PLBD2: variants seen among roughly 807,000 people sequenced by gnomAD.
PLBD2 encodes the protein putative aminopeptidase PLBD2.
PLBD2 carries 51 observed loss-of-function variants against 68.3 expected under a neutral mutation model. That is an observed-to-expected ratio of 0.75 (90% CI 0.60 to 0.94). PLBD2 has a LOEUF of 0.94. Ranked by LOEUF, PLBD2 falls within the 40% of genes least tolerant of loss-of-function variation. The pLI, the probability that PLBD2 is intolerant of heterozygous loss-of-function variation, is 0.00. For synonymous variants in PLBD2, 314 were observed against 339.3 expected, an observed-to-expected ratio of 0.93 and a Z score of 0.82; for missense variants, 729 against 792.2, an observed-to-expected ratio of 0.92 and a Z score of 0.96.
At position 113,358,787 on chromosome 12, in the gene PLBD2, TC is replaced by T; in HGVS notation, c.188del (p.Ser63TrpfsTer73). 1 of 1,460,568 alleles carries T rather than the reference TC, an allele frequency of 6.8e-7. No homozygotes were observed. Among genetic ancestry groups the T allele is most frequent in the South Asian group, 1.4e-5 (1 of 72,792 alleles). 90.5% of individuals were successfully genotyped at this position (1,460,568 alleles called of 1,614,324 possible). A position where few individuals can be genotyped will look rare whatever the true frequency, so the allele number is the denominator to read the frequency against. On this transcript the variant is annotated frameshift_variant, in exon 1 of 12. Coordinates refer to ENST00000280800, the MANE Select transcript of PLBD2 (RefSeq NM_173542.4). LOFTEE classifies it high-confidence loss of function. ...GGTCCCTCCAGCCTCCCGCAGCCGC[TC>T]GGTGCTCCTGGACGTCTCGGCGGGC... ...GQVPPASRSR[S>X]VLLDVSAGQL...
In PLBD2 at chr12:113,389,620, T is replaced by A. The variant is rs191763480; in HGVS notation, c.*994T>A. 2 of 151,864 alleles carry A rather than the reference T, an allele frequency of 1.3e-5. No individual in the cohort carries two copies. The highest frequency in any genetic ancestry group is 4.8e-5 in the African/African-American group (2 of 41,404). 9.4% of individuals were successfully genotyped at this position (151,864 alleles called of 1,614,324 possible). A position where few individuals can be genotyped will look rare whatever the true frequency, so the allele number is the denominator to read the frequency against. ...ATCCATCCATCCATCTACCTATCCATTTATCATCCATCCACTCACCCATCC... is the reference window on the plus strand; with the variant it reads ...ATCCATCCATCCATCTACCTATCCAATTATCATCCATCCACTCACCCATCC... On this transcript the variant is annotated 3_prime_UTR_variant, in exon 12 of 12. Transcript: ENST00000280800.
At position 113,384,089 on chromosome 12, in the gene PLBD2, C is replaced by G; in HGVS notation, c.958-16C>G. ...CATGCCTAGGCTGTGCAGCAGCCCC[C>G]TTGACCTTCCCACAGGTGACACTGG... On this transcript the variant is annotated splice_polypyrimidine_tract_variant and intron_variant, in intron 6 of 11. Transcript: ENST00000280800. This position sits in a 1 kb window ranked among gnomAD's most constrained non-coding sequence, Gnocchi z 4.2. The G allele has an allele frequency of 6.3e-7, 1 of 1,593,044 alleles. No individual in the cohort carries two copies.
At chr12:113,387,263 G>A (rs1343510101) in intron 10 of PLBD2, among the ~76,000 whole-genome samples, 174 bp downstream of exon 10, 1 of 151,802 alleles carries the variant, frequency 6.6e-6, no homozygotes, top group Non-Finnish European at 1.5e-5. Flanking sequence ...CTCCACTTGG[G>A]CCCTGTCACT....
chr12:113,373,542 C>T (rs1480189585), intron 3 of PLBD2, among the ~76,000 whole-genome samples: 2 of 152,096 alleles, frequency 1.3e-5, no homozygotes, highest in African/African-American at 4.8e-5. Flanking sequence ...CTGTCCATTC[C>T]ACACATCCAC....
intron 3 of PLBD2, among the ~76,000 whole-genome samples, chr12:113,373,357 T>C (rs1957406504): frequency 6.6e-6 from 1 of 152,244 alleles, no homozygotes; most frequent in African/African-American, 2.4e-5. Context: ...ATGTCAGGTG[T>C]TTGCTGTGAG....
At chr12:113,366,773 C>G (rs1957345728) in intron 1 of PLBD2, among the ~76,000 whole-genome samples, 1 of 151,516 alleles carries the variant, frequency 6.6e-6, no homozygotes, top group African/African-American at 2.4e-5. Context: ...GGCCTCTCCC[C>G]ACTCCCCTCC....
rs1346602290 is a variant in PLBD2 at position 113,374,518 on chromosome 12, C to T, written c.588C>T (p.Tyr196=). ...AGCTGAAAGGCCTGGAGGACAGCTA[C>T]GAAGGCCGTGTGAGCTTCCCAGCTG... ...LLQLKGLEDS[Y]EGRVSFPAGK... is the part of the protein sequence containing the mutation. Residue 196 remains tyrosine (Y), a synonymous_variant, in exon 4 of 12, where the codon TAC becomes TAT. Transcript: ENST00000280800. The T allele has an allele frequency of 3.1e-6, 5 of 1,607,088 alleles. No homozygotes were observed. In the Admixed American group the frequency reaches 5.1e-5, roughly 16 times the overall value.
At chr12:113,373,551 A>G (rs1241855253) in intron 3 of PLBD2, among the ~76,000 whole-genome samples, 1 of 151,700 alleles carries the variant, frequency 6.6e-6, no homozygotes, top group Non-Finnish European at 1.5e-5. Context: ...CCACACATCC[A>G]CCACCCATCC....
intron 1 of PLBD2, among the ~76,000 whole-genome samples, chr12:113,362,595 GAA>G (rs548450929): frequency 3.7e-5 from 5 of 135,900 alleles, no homozygotes; most frequent in Non-Finnish European, 3.2e-5. Context: ...GATTTTCCAG[GAA>G]AAAAAAAAAA....
Position 113,390,870 on chromosome 12 carries a change from C to T in PLBD2, c.*2244C>T, listed in dbSNP as rs1957604923. 6.6e-6 allele frequency: 1 copy of T among 151,994 alleles called. No homozygotes were observed. The highest frequency in any genetic ancestry group is 2.4e-5 in the African/African-American group (1 of 41,344). 9.4% of individuals were successfully genotyped at this position (151,994 alleles called of 1,614,324 possible). ...CCATCTACCCATCCATCCACCCACT[C>T]ATCCATCCATTCATCCATCCACCCA... On this transcript the variant is annotated 3_prime_UTR_variant, in exon 12 of 12. Coordinates refer to ENST00000280800, the MANE Select transcript of PLBD2 (RefSeq NM_173542.4).
intron 3 of PLBD2, among the ~76,000 whole-genome samples, chr12:113,374,075 C>T (rs928513642): frequency 9.9e-5 from 15 of 152,064 alleles, no homozygotes; most frequent in Non-Finnish European, 1.8e-4. Flanking sequence ...GATGTTGAGG[C>T]AAAATGATGA....
At chr12:113,369,397 G>C (rs574781966) in intron 2 of PLBD2, among the ~76,000 whole-genome samples, 188 bp downstream of exon 2, 3 of 152,170 alleles carry the variant, frequency 2.0e-5, no homozygotes, top group Non-Finnish European at 4.4e-5. Context: ...ACTGCACCTG[G>C]CTCTCACCCA....
intron 5 of PLBD2, among the ~76,000 whole-genome samples, chr12:113,375,460 T>C (rs1443413223): frequency 6.6e-6 from 1 of 152,224 alleles, no homozygotes; most frequent in Non-Finnish European, 1.5e-5. Flanking sequence ...CCAGTTCATC[T>C]TGTTTTACAT....
chr12:113,359,770 C>T (rs909020108), intron 1 of PLBD2, among the ~76,000 whole-genome samples: 6 of 152,150 alleles, frequency 3.9e-5, no homozygotes, highest in African/African-American at 1.4e-4. Flanking sequence ...GAGCAGCTGT[C>T]TCTACTCAGT....
chr12:113,375,823 C>T (rs1957434177), intron 5 of PLBD2, among the ~76,000 whole-genome samples: 1 of 152,162 alleles, frequency 6.6e-6, no homozygotes, highest in Non-Finnish European at 1.5e-5. Context: ...TGGTAAAGGC[C>T]TCTTGAGACC....
In PLBD2 at chr12:113,374,901, C is replaced by T; in HGVS notation, c.753C>T (p.Leu251=). ...SGSCSALIKL[L]PGQSDLLVAH... The stretch of plus-strand genomic sequence containing the variant: ...CCTGTTCTGCCCTCATCAAGCTGCT[C>T]CCTGGCCAGAGTGACCTCCTGGTTG... The change falls in exon 5 of 12, where the codon CTC becomes CTT. Residue 251 remains leucine (L), a synonymous_variant. Coordinates refer to ENST00000280800, the MANE Select transcript of PLBD2 (RefSeq NM_173542.4). 6.2e-7 allele frequency: 1 copy of T among 1,614,112 alleles called. No homozygotes were observed. Among genetic ancestry groups the T allele is most frequent in the Non-Finnish European group, 8.5e-7 (1 of 1,180,038 alleles).
chr12:113,358,935 A>T, intron 1 of PLBD2, 45 bp downstream of exon 1: 1 of 1,469,296 alleles, frequency 6.8e-7, no homozygotes, highest in Non-Finnish European at 9.0e-7. Context: ...GGGGAGGGGG[A>T]TGCGTGGGCG....
At position 113,380,728 on chromosome 12, in the gene PLBD2, T is replaced by G; in HGVS notation, c.860-17T>G. Reference sequence around the variant, plus strand: ...TGCCTGTCTGACCAGCATCCCTGGCTCGCTCTGCCTGCACAGGGGACTACC... The same window carrying G: ...TGCCTGTCTGACCAGCATCCCTGGCGCGCTCTGCCTGCACAGGGGACTACC... On this transcript the variant is annotated splice_polypyrimidine_tract_variant and intron_variant, in intron 5 of 11. Coordinates refer to ENST00000280800, the MANE Select transcript of PLBD2 (RefSeq NM_173542.4). The G allele has an allele frequency of 6.5e-7, 1 of 1,545,370 alleles. No homozygotes were observed. The highest frequency in any genetic ancestry group is 8.7e-7 in the Non-Finnish European group (1 of 1,145,230).
Position 113,359,222 on chromosome 12 carries a change from C to T in PLBD2, c.290+332C>T, listed in dbSNP as rs530090935. On this transcript the variant is annotated intron_variant, in intron 1 of 11. Coordinates refer to ENST00000280800, the MANE Select transcript of PLBD2 (RefSeq NM_173542.4). Reference sequence around the variant, plus strand: ...GGCTGGTGGGTAAATTCTATCCTCACGGGGACCTGCTCCCTTCCCTAGACT... The same window carrying T: ...GGCTGGTGGGTAAATTCTATCCTCATGGGGACCTGCTCCCTTCCCTAGACT... The T allele has an allele frequency of 9.5e-5, 27 of 285,354 alleles. No homozygotes were observed. In the South Asian group the frequency reaches 1.4e-3, roughly 15 times the overall value. 17.7% of individuals were successfully genotyped at this position (285,354 alleles called of 1,614,324 possible).
Sources: gnomAD v4.1 joint callset for allele counts (sites outside exome capture counted in the v4.1 genomes callset) on GRCh38, gnomAD v4.1.1 for gene constraint, Gnocchi (gnomAD v3.1) non-coding constraint, MANE v1.5 for transcripts, NCBI Gene and HGNC (gene_info 2026-07-23, HGNC 2026-07-21) for gene names.